Variants in SPI1 observed in about 807,000 individuals in gnomAD.
SPI1 encodes transcription factor PU.1.
Under a neutral mutation model 30.7 loss-of-function variants are expected in SPI1, and 3 were observed. That is an observed-to-expected ratio of 0.10 (90% confidence interval 0.04 to 0.25). SPI1 has a LOEUF of 0.25. SPI1 is among the 10% of genes least tolerant of loss of function. The pLI, the probability that SPI1 is intolerant of heterozygous loss-of-function variation, is 1.00. For missense variants in SPI1, 261 were observed against 371.5 expected (o/e 0.70, Z 2.45); for synonymous variants, 169 against 157.1 (o/e 1.08, Z -0.56).
chr11:47,361,735 TTCTC>T (rs2095921073), intron 2 of SPI1, among the ~76,000 whole-genome samples: 1 of 152,150 alleles, frequency 6.6e-6, no homozygotes, highest in Admixed American at 6.5e-5. Context: ...GCATCTCTCT[TTCTC>T]TCTCACACAA....
rs762826013 is a variant in SPI1, at chr11:47,378,066, A to G, written c.45+243T>C. Among the ~76,000 whole-genome samples, 15 of 152,190 alleles carry G rather than the reference A, an allele frequency of 9.9e-5. No homozygotes were observed. The South Asian group carries it at 2.1e-3, about 21-fold the overall frequency. On this transcript the variant is annotated intron_variant, in intron 1 of 4. Coordinates refer to ENST00000378538, the MANE Select transcript of SPI1 (RefSeq NM_003120.3). ...CCTGCCACCCGAGCCCTGTCTATAA[A>G]TAACTGTTCAGGCCCCACCGATCAC... is the stretch of plus-strand genomic sequence containing the variant.
At chr11:47,360,872 A>G (rs1239230183) in intron 2 of SPI1, among the ~76,000 whole-genome samples, 1 of 150,352 alleles carries the variant, frequency 6.7e-6, no homozygotes, top group African/African-American at 2.5e-5. Context: ...CTGTAATCCC[A>G]GCACTTTGGG....
chr11:47,365,817 C>T (rs2095927331), intron 2 of SPI1, among the ~76,000 whole-genome samples: 1 of 152,180 alleles, frequency 6.6e-6, no homozygotes, highest in Non-Finnish European at 1.5e-5. Flanking sequence ...CTGCCTCAGC[C>T]TCCCAAGTAG....
Position 47,360,054 on chromosome 11 carries a change from C to T in SPI1, c.143-14G>A. 6.5e-7 allele frequency: 1 copy of T among 1,537,618 alleles called. No homozygotes were observed. Among genetic ancestry groups the T allele is most frequent in the South Asian group, 1.2e-5 (1 of 81,152 alleles). ...CCCAGTAATGGTCTGTGGGGGACAG[C>T]CAGGCAGTATGGGGTGAGCTCAGGG... On this transcript the variant is annotated splice_polypyrimidine_tract_variant and intron_variant, in intron 2 of 4. Coordinates refer to ENST00000378538, the MANE Select transcript of SPI1 (RefSeq NM_003120.3).
intron 2 of SPI1, among the ~76,000 whole-genome samples, chr11:47,363,528 A>T (rs909182286): frequency 6.6e-6 from 1 of 152,108 alleles, no homozygotes; most frequent in African/African-American, 2.4e-5. Flanking sequence ...CTCAAAAAAA[A>T]AAAATCTCTT....
At chr11:47,377,439 C>G (rs974029896) in intron 1 of SPI1, among the ~76,000 whole-genome samples, 2 of 152,110 alleles carry the variant, frequency 1.3e-5, no homozygotes, top group Non-Finnish European at 2.9e-5. Flanking sequence ...GGACCCTGGT[C>G]TGACACCTGC....
chr11:47,373,206 G>A (rs971239751), intron 2 of SPI1, among the ~76,000 whole-genome samples: 1 of 151,704 alleles, frequency 6.6e-6, no homozygotes, highest in African/African-American at 2.4e-5. Context: ...CAAAAAATTA[G>A]CTGAGCGTGG....
chr11:47,357,257 C>T (rs1433601430), intron 4 of SPI1, among the ~76,000 whole-genome samples: 2 of 148,788 alleles, frequency 1.3e-5, no homozygotes, highest in East Asian at 3.9e-4. Context: ...CATACCTGCT[C>T]ACATACATGC....
chr11:47,364,301 C>T (rs1470210604), intron 2 of SPI1, among the ~76,000 whole-genome samples: 2 of 152,044 alleles, frequency 1.3e-5, no homozygotes, highest in Admixed American at 6.6e-5. Context: ...CCACCCGCCT[C>T]GGCCTCCCAA....
chr11:47,376,817 C>G (rs1011636505), intron 1 of SPI1, among the ~76,000 whole-genome samples: 1 of 152,132 alleles, frequency 6.6e-6, no homozygotes, highest in African/African-American at 2.4e-5. Context: ...CTTGGGGGAC[C>G]GGGGCTGCCT....
intron 2 of SPI1, among the ~76,000 whole-genome samples, chr11:47,370,016 T>A (rs1431094047): frequency 6.6e-6 from 1 of 152,212 alleles, no homozygotes; most frequent in Non-Finnish European, 1.5e-5. Context: ...TTGCCCATGG[T>A]CACCCGGATA....
chr11:47,359,670 G>T lies in SPI1; in HGVS notation c.330+183C>A, dbSNP rs1156854212. 6.6e-6 allele frequency among the ~76,000 whole-genome samples: 1 copy of T among 152,068 alleles called. No homozygotes were observed. Among genetic ancestry groups the T allele is most frequent in the Non-Finnish European group, 1.5e-5 (1 of 67,986 alleles). ...CATACTCGGGGTGAGATGAGATAAG[G>T]GGTGTGGGGTCATGAGGTCACTTGG... On this transcript the variant is annotated intron_variant, in intron 3 of 4. Coordinates refer to ENST00000378538, the MANE Select transcript of SPI1 (RefSeq NM_003120.3). The surrounding 1 kb of genome is among the most constrained non-coding windows in gnomAD (Gnocchi z 5.1).
rs955390716 is a variant in SPI1 at position 47,375,478 on chromosome 11, C to T, written c.142+155G>A. 2.0e-5 allele frequency among the ~76,000 whole-genome samples: 3 copies of T among 152,190 alleles called. No homozygotes were observed. The highest frequency in any genetic ancestry group is 2.9e-5 in the Non-Finnish European group (2 of 68,040). ...TGGAGGCTCAGGTGTGGGGGTGCAG[C>T]GATGATGCTGCAGTTCACTGCCTTT... is the stretch of plus-strand genomic sequence containing the variant. On this transcript the variant is annotated intron_variant, in intron 2 of 4. Coordinates refer to ENST00000378538, the MANE Select transcript of SPI1 (RefSeq NM_003120.3). The surrounding 1 kb of genome is among the most constrained non-coding windows in gnomAD (Gnocchi z 4.2).
intron 2 of SPI1, among the ~76,000 whole-genome samples, chr11:47,372,105 C>CTTT (rs912143261): frequency 2.8e-5 from 4 of 140,884 alleles, no homozygotes; most frequent in East Asian, 2.1e-4. Flanking sequence ...TTGTCTGATT[C>CTTT]TTTTTTTTTT....
intron 4 of SPI1, among the ~76,000 whole-genome samples, chr11:47,357,252 C>A (rs1212047399): frequency 6.7e-6 from 1 of 150,278 alleles, no homozygotes; most frequent in Non-Finnish European, 1.5e-5. Flanking sequence ...TCACACATAC[C>A]TGCTCACATA....
intron 4 of SPI1, among the ~76,000 whole-genome samples, chr11:47,357,754 C>T (rs970263899): frequency 4.6e-5 from 7 of 152,134 alleles, no homozygotes; most frequent in East Asian, 1.9e-4. Flanking sequence ...TTAGTGGAGA[C>T]GGGGTTTCGC....
chr11:47,366,634 A>C (rs959599846), intron 2 of SPI1, among the ~76,000 whole-genome samples: 1 of 152,074 alleles, frequency 6.6e-6, no homozygotes, highest in Non-Finnish European at 1.5e-5. Flanking sequence ...CCTGGCCGAC[A>C]TGTTGAAACC....
At position 47,375,663 on chromosome 11, in the gene SPI1, A is replaced by G. The variant is rs1454127715; in HGVS notation, c.112T>C (p.Tyr38His). The G allele has an allele frequency of 1.2e-6, 2 of 1,613,782 alleles. No individual in the cohort carries two copies. Among genetic ancestry groups the G allele is most frequent in the South Asian group, 2.2e-5 (2 of 91,082 alleles). The change falls in exon 2 of 5, where the codon TAT becomes CAT. Residue 38 changes from tyrosine to histidine, a missense_variant. Tyr to His is a moderately conservative substitution (Grantham distance 83, BLOSUM62 2). This residue lies in a region of SPI1 where 78 missense variants were observed against 93.2 expected (regional missense o/e 0.84). Coordinates refer to ENST00000378538, the MANE Select transcript of SPI1 (RefSeq NM_003120.3). This position sits in a 1 kb window ranked among gnomAD's most constrained non-coding sequence, Gnocchi z 4.2. Reference protein sequence around the residue: ...YQRQTHEYYPYLSSDGESHSD... With the variant: ...YQRQTHEYYPHLSSDGESHSD... ...TGGCTCTCCCCATCACTGCTGAGAT[A>G]GGGGTAATACTCGTGCGTTTGGCGT...
At chr11:47,357,150 T>C (rs573283490) in intron 4 of SPI1, among the ~76,000 whole-genome samples, 3 of 144,244 alleles carry the variant, frequency 2.1e-5, no homozygotes, top group Admixed American at 6.9e-5. Flanking sequence ...TCACACCTCA[T>C]ACCTCACACA....
Sources: gnomAD v4.1 joint callset for allele counts (sites outside exome capture counted in the v4.1 genomes callset) on GRCh38, gnomAD v4.1.1 for gene constraint, gnomAD v4.1.1 regional missense constraint, Gnocchi (gnomAD v3.1) non-coding constraint, MANE v1.5 for transcripts, NCBI Gene and HGNC (gene_info 2026-07-23, HGNC 2026-07-21) for gene names.